The following LHFPL3 variants were observed in gnomAD, a reference collection of about 807,000 sequenced individuals.
LHFPL3 encodes LHFPL tetraspan subfamily member 3, also known as LHFPL tetraspan subfamily member 3 protein.
Under a neutral mutation model 19.3 loss-of-function variants are expected in LHFPL3, and 5 were observed. That is an observed-to-expected ratio of 0.26 (90% CI 0.14 to 0.54). LHFPL3 has a LOEUF of 0.54. LHFPL3 is among the 20% of genes least tolerant of loss of function. LHFPL3 has a pLI of 0.94. For synonymous variants in LHFPL3, 133 were observed against 126.2 expected (o/e 1.05, Z -0.36); for missense variants, 249 against 307.4 (o/e 0.81, Z 1.42).
At chr7:104,374,824 T>A (rs1252320582) in intron 1 of LHFPL3, among the ~76,000 whole-genome samples, 1 of 152,152 alleles carries the variant, frequency 6.6e-6, no homozygotes, top group Non-Finnish European at 1.5e-5. Context: ...CTTTATGTGT[T>A]TTTGTGTCCT....
chr7:104,339,076 C>T lies in LHFPL3; in HGVS notation c.445+9852C>T, dbSNP rs1053462110. ...CAGCCTGACCAACATGGTGAAACCC[C>T]GTCTCTACTAAAAATACAAAAATTA... On this transcript the variant is annotated intron_variant, in intron 1 of 2. Transcript: ENST00000424859. Among the ~76,000 whole-genome samples, 91 of 151,968 alleles carry T rather than the reference C, an allele frequency of 6.0e-4. 1 individual carries two copies. Among genetic ancestry groups the T allele is most frequent in the Admixed American group, 5.8e-3 (89 of 15,268 alleles).
chr7:104,649,924 C>G (rs923458170), intron 1 of LHFPL3, among the ~76,000 whole-genome samples: 1 of 152,140 alleles, frequency 6.6e-6, no homozygotes, highest in Non-Finnish European at 1.5e-5. Flanking sequence ...AGAATCTCAT[C>G]TCATCTAAGA....
At chr7:104,801,415 G>C (rs1425257109) in intron 2 of LHFPL3, among the ~76,000 whole-genome samples, 2 of 152,056 alleles carry the variant, frequency 1.3e-5, no homozygotes, top group Non-Finnish European at 2.9e-5. Context: ...TCGTGGGCAG[G>C]GTAAAAAGAA....
intron 1 of LHFPL3, among the ~76,000 whole-genome samples, chr7:104,583,333 T>C (rs1028515995): frequency 1.1e-4 from 16 of 152,256 alleles, no homozygotes; most frequent in African/African-American, 3.6e-4. Context: ...AAGACTTAAA[T>C]GTTAGACCTA....
chr7:104,675,450 G>A (rs1792572041), intron 1 of LHFPL3, among the ~76,000 whole-genome samples: 1 of 152,130 alleles, frequency 6.6e-6, no homozygotes, highest in Admixed American at 6.5e-5. Flanking sequence ...AAGAAGTCAA[G>A]CCCCTGAAAG....
intron 1 of LHFPL3, among the ~76,000 whole-genome samples, chr7:104,425,954 C>G (rs1791836286): frequency 6.6e-6 from 1 of 152,170 alleles, no homozygotes; most frequent in Non-Finnish European, 1.5e-5. Flanking sequence ...TACATAGAAT[C>G]TAAATTTCAG....
chr7:104,341,261 A>G (rs1476989057), intron 1 of LHFPL3, among the ~76,000 whole-genome samples: 3 of 152,164 alleles, frequency 2.0e-5, no homozygotes, highest in Non-Finnish European at 4.4e-5. Context: ...ATGTTGTTCT[A>G]TTTTTCATTA....
At chr7:104,546,380 A>G (rs1410217060) in intron 1 of LHFPL3, among the ~76,000 whole-genome samples, 2 of 152,190 alleles carry the variant, frequency 1.3e-5, no homozygotes, top group African/African-American at 2.4e-5. Context: ...TTCCCTTGAT[A>G]CATAGCCAAG....
At chr7:104,781,059 G>C (rs1794708604) in intron 2 of LHFPL3, among the ~76,000 whole-genome samples, 1 of 151,806 alleles carries the variant, frequency 6.6e-6, no homozygotes, top group African/African-American at 2.4e-5. Flanking sequence ...CCAACTCTCT[G>C]TCCTCTTTGA....
chr7:104,470,813 G>A (rs1014574457), intron 1 of LHFPL3, among the ~76,000 whole-genome samples: 1 of 152,114 alleles, frequency 6.6e-6, no homozygotes, highest in Admixed American at 6.5e-5. Flanking sequence ...TTCGCAATAG[G>A]TCCTCTGGCT....
intron 2 of LHFPL3, among the ~76,000 whole-genome samples, chr7:104,870,395 C>T (rs1004204830): frequency 2.6e-5 from 4 of 152,194 alleles, no homozygotes; most frequent in Non-Finnish European, 4.4e-5. Flanking sequence ...CTGTAATATT[C>T]GCCCGACTTG....
rs529057486 is a variant in LHFPL3, at chr7:104,579,498, T to G, written c.446-157177T>G. On this transcript the variant is annotated intron_variant, in intron 1 of 2. Transcript: ENST00000424859. ...TGCAGCAAAGAATATGGTTTCATTC[T>G]TTTTTATGACTGCCTAGTAGTCCAT... Among the ~76,000 whole-genome samples the G allele has an allele frequency of 2.4e-4, 36 of 152,346 alleles. 1 individual carries two copies. The South Asian group carries it at 7.5e-3, about 32-fold the overall frequency.
chr7:104,690,172 A>C (rs1792881925), intron 1 of LHFPL3, among the ~76,000 whole-genome samples: 1 of 152,270 alleles, frequency 6.6e-6, no homozygotes, highest in African/African-American at 2.4e-5. Context: ...TTGGAGAACG[A>C]CAGTGGGTTA....
chr7:104,824,563 T>C (rs1304290024), intron 2 of LHFPL3, among the ~76,000 whole-genome samples: 1 of 76,198 alleles, frequency 1.3e-5, no homozygotes, highest in East Asian at 3.8e-4. Flanking sequence ...TATATAATTA[T>C]ATATATTATT....
At chr7:104,637,840 T>TG (rs1256384921) in intron 1 of LHFPL3, among the ~76,000 whole-genome samples, 1 of 150,786 alleles carries the variant, frequency 6.6e-6, no homozygotes, top group Non-Finnish European at 1.5e-5. Context: ...TTTTTTTTTT[T>TG]TTTTAGCTTT....
rs140197510 is a variant in LHFPL3, at chr7:104,840,356, C to T, written c.683-65831C>T. Among the ~76,000 whole-genome samples the T allele has an allele frequency of 3.4e-3, 467 of 139,222 alleles. 7 individuals carry two copies. The highest frequency in any genetic ancestry group is 0.012 in the African/African-American group (455 of 38,160). The allele number at this position is 139,222 out of a possible 152,430, so 91.3% of individuals were successfully genotyped here. ...TTTGAGACAAGGTCTCACTCTGTCA[C>T]CGAGGCTGGAGTGCAGCGGCACAAT... On this transcript the variant is annotated intron_variant, in intron 2 of 2. Coordinates refer to ENST00000424859, the MANE Select transcript of LHFPL3 (RefSeq NM_199000.3).
intron 1 of LHFPL3, chr7:104,668,668 G>T: frequency 9.9e-6 from 16 of 1,610,872 alleles, no homozygotes; most frequent in Non-Finnish European, 1.3e-5. Flanking sequence ...CGGTCGTGGA[G>T]CTCCAGAGAT....
chr7:104,666,018 G>C (rs1792329393), intron 1 of LHFPL3, among the ~76,000 whole-genome samples: 2 of 152,080 alleles, frequency 1.3e-5, no homozygotes, highest in Non-Finnish European at 2.9e-5. Context: ...TTCCATTACA[G>C]CTTTTAAATG....
chr7:104,383,212 T>C (rs1465915842), intron 1 of LHFPL3, among the ~76,000 whole-genome samples: 1 of 152,186 alleles, frequency 6.6e-6, no homozygotes, highest in Admixed American at 6.6e-5. Flanking sequence ...ATTATGCATG[T>C]TTTAGTATTT....
Sources: gnomAD v4.1 joint callset for allele counts (sites outside exome capture counted in the v4.1 genomes callset) on GRCh38, gnomAD v4.1.1 for gene constraint, MANE v1.5 for transcripts, NCBI Gene and HGNC (gene_info 2026-07-23, HGNC 2026-07-21) for gene names.